IL20RA: variants seen among roughly 807,000 people sequenced by gnomAD.
IL20RA encodes interleukin 20 receptor subunit alpha.
Under a neutral mutation model 36.5 loss-of-function variants are expected in IL20RA, and 29 were observed. The ratio of observed to expected loss-of-function variants is 0.79; its 90% CI spans 0.59 to 1.08. The LOEUF is 1.08. Ranked by LOEUF, IL20RA falls within the 50% of genes least tolerant of loss-of-function variation. The probability of loss-of-function intolerance (pLI) is 0.00; values close to 1 mark genes in which losing one functional copy is unlikely to be tolerated. For synonymous variants in IL20RA, 279 were observed against 267.1 expected, an observed-to-expected ratio of 1.04 and a Z score of -0.43; for missense variants, 652 against 668.4, an observed-to-expected ratio of 0.98 and a Z score of 0.27.
chr6:137,012,376 G>T (rs1582822698), intron 2 of IL20RA, among the ~76,000 whole-genome samples: 2 of 152,324 alleles, frequency 1.3e-5, no homozygotes, highest in East Asian at 3.9e-4. Context: ...TCTGTCTGGG[G>T]CAGATGGGTG....
In IL20RA at chr6:137,004,844, G is replaced by A. The variant is rs538560886; in HGVS notation, c.725-84C>T. ...GATGTGATGGGAAAAACCTCGTATC[G>A]TTAAGCTGCTTCTGTGCAGATCACT... is the stretch of plus-strand genomic sequence containing the variant. On this transcript the variant is annotated intron_variant, in intron 5 of 6. Transcript: ENST00000316649. 6.3e-6 allele frequency: 8 copies of A among 1,269,208 alleles called. No individual in the cohort carries two copies. In the Admixed American group the frequency reaches 6.8e-5, roughly 11 times the overall value. 78.6% of individuals were successfully genotyped at this position (1,269,208 alleles called of 1,614,324 possible). A position where few individuals can be genotyped will look rare whatever the true frequency, so the allele number is the denominator to read the frequency against.
intron 3 of IL20RA, among the ~76,000 whole-genome samples, chr6:137,010,409 T>C (rs1483849764): frequency 6.6e-6 from 1 of 152,236 alleles, no homozygotes; most frequent in African/African-American, 2.4e-5. Context: ...TTTTCCAATG[T>C]CACAAAATAT....
intron 2 of IL20RA, among the ~76,000 whole-genome samples, chr6:137,014,022 A>G (rs1332154708): frequency 6.6e-6 from 1 of 152,238 alleles, no homozygotes; most frequent in African/African-American, 2.4e-5. Flanking sequence ...TAAAGGACAG[A>G]GCAAGCTCTT....
At position 137,002,506 on chromosome 6, in the gene IL20RA, A is replaced by G. The variant is rs547743468; in HGVS notation, c.865-151T>C. On this transcript the variant is annotated intron_variant, in intron 6 of 6. Coordinates refer to ENST00000316649, the MANE Select transcript of IL20RA (RefSeq NM_014432.4). ...AAAGTTATGCTTGCAATATACAGAA[A>G]ACCTCACTCACTGGGAGGCAAGAGA... 5.5e-5 allele frequency: 34 copies of G among 617,966 alleles called. No homozygotes were observed. The South Asian group carries it at 6.9e-4, about 13-fold the overall frequency. The allele number at this position is 617,966 out of a possible 1,614,324, so 38.3% of individuals were successfully genotyped here.
At position 137,035,309 on chromosome 6, in the gene IL20RA, GAT is replaced by G. The variant is rs373352176; in HGVS notation, c.88+9330_88+9331del. ...TCCTTGAGTAAGGAGAATGTGATGTGATATATACATATGCATACATGTATATT... is the reference window on the plus strand; with the variant it reads ...TCCTTGAGTAAGGAGAATGTGATGTGATATACATATGCATACATGTATATT... On this transcript the variant is annotated intron_variant, in intron 1 of 6. Coordinates refer to ENST00000316649, the MANE Select transcript of IL20RA (RefSeq NM_014432.4). Among the ~76,000 whole-genome samples, 690 of 152,222 alleles carry G rather than the reference GAT, an allele frequency of 4.5e-3. 41 individuals are homozygous for G. The South Asian group carries it at 0.13, about 28-fold the overall frequency.
chr6:137,032,400 C>T (rs974528184), intron 1 of IL20RA, among the ~76,000 whole-genome samples: 5 of 152,174 alleles, frequency 3.3e-5, no homozygotes, highest in African/African-American at 9.6e-5. Flanking sequence ...AATCATGGAA[C>T]CCTACTCCTT....
chr6:137,021,654 C>A (rs756715476), intron 1 of IL20RA, among the ~76,000 whole-genome samples: 2 of 151,980 alleles, frequency 1.3e-5, no homozygotes, highest in African/African-American at 4.8e-5. Context: ...GGCAACAGAG[C>A]GAGACTCTGT....
chr6:137,012,962 G>C (rs1775551062), intron 2 of IL20RA, among the ~76,000 whole-genome samples: 1 of 151,890 alleles, frequency 6.6e-6, no homozygotes, highest in Admixed American at 6.6e-5. Context: ...TGTTACTTAA[G>C]GGCTTTCAAT....
intron 1 of IL20RA, among the ~76,000 whole-genome samples, chr6:137,023,540 C>T (rs970320054): frequency 6.6e-6 from 1 of 151,966 alleles, no homozygotes. Flanking sequence ...CTGTATAGAC[C>T]AAGAGGAGAA....
intron 1 of IL20RA, among the ~76,000 whole-genome samples, chr6:137,033,132 G>A (rs1027938784): frequency 2.2e-4 from 33 of 152,168 alleles, no homozygotes; most frequent in African/African-American, 7.2e-4. Flanking sequence ...CAAGGAGTCA[G>A]CAGGGCCACA....
At chr6:137,009,565 C>T (rs1173217215) in intron 3 of IL20RA, 73 bp from the exon 4 acceptor site, 4 of 854,616 alleles carry the variant, frequency 4.7e-6, no homozygotes, top group East Asian at 2.5e-5. Flanking sequence ...CCATATAATC[C>T]TACTTGGATC....
intron 1 of IL20RA, chr6:137,044,178 G>C (rs937250192): frequency 5.1e-6 from 5 of 986,192 alleles, no homozygotes; most frequent in Admixed American, 6.1e-5. Flanking sequence ...ATCTCGCGAC[G>C]CGCGGCTTGC....
In IL20RA at chr6:137,009,410, C is replaced by T; in HGVS notation, c.486G>A (p.Lys162=). 6.2e-7 allele frequency: 1 copy of T among 1,612,782 alleles called. No homozygotes were observed. Among genetic ancestry groups the T allele is most frequent in the Non-Finnish European group, 8.5e-7 (1 of 1,178,812 alleles). ...AAACAGGAAGGTCTTCTGGATTTCT[C>T]TTCCACTTCTCTGGAGCTGTCAGGA... ...SVVLTAPEKW[K]RNPEDLPVSM... Residue 162 remains lysine (K), a synonymous_variant, in exon 4 of 7, where the codon AAG becomes AAA. Coordinates refer to ENST00000316649, the MANE Select transcript of IL20RA (RefSeq NM_014432.4).
chr6:137,019,797 GT>G (rs1775834637), intron 1 of IL20RA, among the ~76,000 whole-genome samples: 1 of 152,138 alleles, frequency 6.6e-6, no homozygotes, highest in Admixed American at 6.5e-5. Flanking sequence ...AAAAAATAAT[GT>G]TCTTATGCCA....
intron 5 of IL20RA, among the ~76,000 whole-genome samples, chr6:137,006,578 G>C (rs552401286): frequency 6.6e-6 from 1 of 152,284 alleles, no homozygotes; most frequent in Non-Finnish European, 1.5e-5. Flanking sequence ...ATGTTTTAAA[G>C]AATAGTTCCA....
chr6:137,008,047 C>T (rs1366046564), intron 5 of IL20RA, among the ~76,000 whole-genome samples: 2 of 152,160 alleles, frequency 1.3e-5, no homozygotes, highest in Admixed American at 1.3e-4. Flanking sequence ...CTATGGCTCA[C>T]TGCAGCCTCT....
chr6:137,032,839 T>A (rs1250220468), intron 1 of IL20RA, among the ~76,000 whole-genome samples: 1 of 152,178 alleles, frequency 6.6e-6, no homozygotes, highest in Non-Finnish European at 1.5e-5. Flanking sequence ...TACGCCTTGA[T>A]AAAGTTGTGT....
intron 1 of IL20RA, among the ~76,000 whole-genome samples, chr6:137,033,490 G>C (rs1776370907): frequency 6.6e-6 from 1 of 152,212 alleles, no homozygotes; most frequent in Admixed American, 6.5e-5. Flanking sequence ...TAGTGGTTTA[G>C]CACCACCCGC....
In IL20RA at chr6:137,044,527, G is replaced by A. The variant is rs1197575935; in HGVS notation, c.88+114C>T. On this transcript the variant is annotated intron_variant, in intron 1 of 6. Coordinates refer to ENST00000316649, the MANE Select transcript of IL20RA (RefSeq NM_014432.4). ...CGCGCACCTCGTCCTCTGCCCGCCC[G>A]AAAGCGAAACCTGGCCGGCGGGCAG... is the stretch of plus-strand genomic sequence containing the variant. The A allele has an allele frequency of 6.3e-6, 7 of 1,110,136 alleles. No homozygotes were observed. In the Admixed American group the frequency reaches 1.3e-4, roughly 21 times the overall value. The allele number at this position is 1,110,136 out of a possible 1,614,324, so 68.8% of individuals were successfully genotyped here.
Sources: gnomAD v4.1 joint callset for allele counts (sites outside exome capture counted in the v4.1 genomes callset) on GRCh38, gnomAD v4.1.1 for gene constraint, MANE v1.5 for transcripts, NCBI Gene and HGNC (gene_info 2026-07-23, HGNC 2026-07-21) for gene names.